Variants in OR8G1 observed in about 807,000 individuals in gnomAD.
OR8G1 encodes the protein olfactory receptor 8G1.
For missense variants in OR8G1, 372 were observed against 356.2 expected (o/e 1.04, Z -0.36); for synonymous variants, 129 against 133.3 (o/e 0.97, Z 0.22).
At position 124,253,720 on chromosome 11, in the gene OR8G1, C is replaced by A. The variant is rs1455066957; in HGVS notation, c.*3109C>A. 2 of 152,122 alleles carry A rather than the reference C, an allele frequency of 1.3e-5. No individual in the cohort carries two copies. Among genetic ancestry groups the A allele is most frequent in the African/African-American group, 4.8e-5 (2 of 41,430 alleles). 9.4% of individuals were successfully genotyped at this position (152,122 alleles called of 1,614,324 possible). A position where few individuals can be genotyped will look rare whatever the true frequency, so the allele number is the denominator to read the frequency against. On this transcript the variant is annotated 3_prime_UTR_variant, in exon 3 of 3. Transcript: ENST00000641972. Reference sequence around the variant, plus strand: ...ATCCTTTGACCAACATCTCCTCCCACACGCCCAGCTGCAGATAAACACAAT... The same window carrying A: ...ATCCTTTGACCAACATCTCCTCCCAAACGCCCAGCTGCAGATAAACACAAT...
Position 124,252,755 on chromosome 11 carries a change from A to G in OR8G1, c.*2144A>G, listed in dbSNP as rs1437092388. ...AGAGTTAACTTGCATTGAAGGTGTT[A>G]CACTTCAAATTTCCAGCAAGTGCTT... On this transcript the variant is annotated 3_prime_UTR_variant, in exon 3 of 3. Transcript: ENST00000641972. The G allele has an allele frequency of 6.6e-6, 1 of 152,206 alleles. No homozygotes were observed. The highest frequency in any genetic ancestry group is 1.5e-5 in the Non-Finnish European group (1 of 68,024). The allele number at this position is 152,206 out of a possible 1,614,324, so 9.4% of individuals were successfully genotyped here.
At position 124,250,391 on chromosome 11, in the gene OR8G1, G is replaced by A; in HGVS notation, c.716G>A (p.Ser239Asn). 1 of 1,613,746 alleles carries A rather than the reference G, an allele frequency of 6.2e-7. No homozygotes were observed. The highest frequency in any genetic ancestry group is 8.5e-7 in the Non-Finnish European group (1 of 1,179,804). ...ACTGAGGGCAGGTCCAAAGCCTTCA[G>A]CACTTGTAGCTCCCACATGTTGGCG... ...RSTEGRSKAF[S>N]TCSSHMLAVV... is the part of the protein sequence containing the mutation. The change falls in exon 3 of 3, where the codon AGC (serine) becomes AAC (asparagine). Residue 239 changes from serine to asparagine, a missense_variant. Ser to Asn is a conservative substitution (Grantham distance 46, BLOSUM62 1). Coordinates refer to ENST00000641972, the MANE Select transcript of OR8G1 (RefSeq NM_001002905.2).
At chr11:124,244,398 A>C (rs772392643) in intron 1 of OR8G1, among the ~76,000 whole-genome samples, 7 of 151,944 alleles carry the variant, frequency 4.6e-5, no homozygotes, top group Non-Finnish European at 7.4e-5. Context: ...GAAATCCCTG[A>C]ATTGATAAAC....
At chr11:124,244,151 AGAGG>A (rs2137745592) in intron 1 of OR8G1, among the ~76,000 whole-genome samples, 1 of 151,426 alleles carries the variant, frequency 6.6e-6, no homozygotes, top group African/African-American at 2.4e-5. Context: ...AAGGATGGAG[AGAGG>A]GAGAGAGAGA....
intron 1 of OR8G1, among the ~76,000 whole-genome samples, chr11:124,243,871 C>A (rs1439980404): frequency 6.6e-6 from 1 of 151,928 alleles, no homozygotes; most frequent in African/African-American, 2.4e-5. Flanking sequence ...CACCATGGCA[C>A]ATGTATATCT....
At chr11:124,249,551 A>G (rs1861843301) in intron 2 of OR8G1, 109 bp from the exon 3 acceptor site, 1 of 1,035,022 alleles carries the variant, frequency 9.7e-7, no homozygotes, top group African/African-American at 1.6e-5. Flanking sequence ...TACTTACTCA[A>G]AGGGGATACC....
Position 124,250,714 on chromosome 11 carries a change from A to G in OR8G1, c.*103A>G. 7.4e-6 allele frequency: 3 copies of G among 404,758 alleles called. 1 individual carries two copies. Among genetic ancestry groups the G allele is most frequent in the Non-Finnish European group, 1.2e-5 (3 of 245,504 alleles). The allele number at this position is 404,758 out of a possible 1,614,324, so 25.1% of individuals were successfully genotyped here. On this transcript the variant is annotated 3_prime_UTR_variant, in exon 3 of 3. Transcript: ENST00000641972. Reference sequence around the variant, plus strand: ...AATGCATCTGTCAATAATTTTTACCATTTGGTGAGATTATATTACCATTAT... The same window carrying G: ...AATGCATCTGTCAATAATTTTTACCGTTTGGTGAGATTATATTACCATTAT...
chr11:124,250,574 C>A lies in OR8G1; in HGVS notation c.899C>A (p.Ser300Tyr). 2.2e-6 allele frequency: 1 copy of A among 445,510 alleles called. No individual in the cohort carries two copies. The highest frequency in any genetic ancestry group is 2.9e-6 in the Non-Finnish European group (1 of 340,838). The allele number at this position is 445,510 out of a possible 1,614,324, so 27.6% of individuals were successfully genotyped here. ...YSLRNKDVHV[S>Y]LKKMLQRRTL... The stretch of plus-strand genomic sequence containing the variant: ...CTGAGGAATAAAGATGTCCATGTTT[C>A]CCTGAAGAAAATGCTACAGAGAAGA... The change falls in exon 3 of 3, where the codon TCC becomes TAC. Residue 300 changes from serine to tyrosine, a missense_variant. Coordinates refer to ENST00000641972, the MANE Select transcript of OR8G1 (RefSeq NM_001002905.2).
intron 1 of OR8G1, among the ~76,000 whole-genome samples, chr11:124,242,893 A>G (rs1157365502): frequency 3.3e-5 from 5 of 151,978 alleles, no homozygotes; most frequent in African/African-American, 9.7e-5. Context: ...GCTGGTTGTC[A>G]TAATATTTTA....
Position 124,251,510 on chromosome 11 carries a change from G to A in OR8G1, c.*899G>A. 1 of 503,580 alleles carries A rather than the reference G, an allele frequency of 2.0e-6. No homozygotes were observed. 31.2% of individuals were successfully genotyped at this position (503,580 alleles called of 1,614,324 possible). On this transcript the variant is annotated 3_prime_UTR_variant, in exon 3 of 3. Transcript: ENST00000641972. ...CTGGTAACATTCTGACCTATTCTAT[G>A]CTAAGATGTATGTGTATTTGTTCTG...
intron 1 of OR8G1, among the ~76,000 whole-genome samples, chr11:124,242,056 A>T (rs11604329): frequency 2.2e-5 from 3 of 138,244 alleles, no homozygotes; most frequent in South Asian, 2.5e-4. Flanking sequence ...ATTTATTTTT[A>T]TTTTTTTTCA....
At chr11:124,246,879 AAG>A (rs1457197613) in intron 1 of OR8G1, among the ~76,000 whole-genome samples, 1,376 of 22,572 alleles carry the variant, frequency 0.061, 26 homozygotes, top group African/African-American at 0.28. Flanking sequence ...AAAAAAAAAA[AAG>A]GCCCCACATC....
Position 124,252,956 on chromosome 11 carries a change from C to G in OR8G1, c.*2345C>G, listed in dbSNP as rs368119395. 5 of 152,298 alleles carry G rather than the reference C, an allele frequency of 3.3e-5. No homozygotes were observed. The East Asian group carries it at 7.7e-4, about 24-fold the overall frequency. 9.4% of individuals were successfully genotyped at this position (152,298 alleles called of 1,614,324 possible). ...GCCATCTTGGGAAACATCATATGCA[C>G]TTCTGAGGAAGTGCTGGTAAAATTG... On this transcript the variant is annotated 3_prime_UTR_variant, in exon 3 of 3. Coordinates refer to ENST00000641972, the MANE Select transcript of OR8G1 (RefSeq NM_001002905.2).
At chr11:124,248,058 A>G (rs1490722945) in intron 2 of OR8G1, among the ~76,000 whole-genome samples, 178 bp downstream of exon 2, 1 of 151,890 alleles carries the variant, frequency 6.6e-6, no homozygotes, top group East Asian at 1.9e-4. Context: ...ACCCATTCCA[A>G]TACAGGTGTG....
At position 124,250,539 on chromosome 11, in the gene OR8G1, G is replaced by GAGCTACAT; in HGVS notation, c.865_866insGCTACATA (p.Ile289SerfsTer7). The GAGCTACAT allele has an allele frequency of 1.2e-5, 14 of 1,167,594 alleles. 5 individuals carry two copies. In the South Asian group the frequency reaches 1.3e-4, roughly 11 times the overall value. 72.3% of individuals were successfully genotyped at this position (1,167,594 alleles called of 1,614,324 possible). Reference sequence around the variant, plus strand: ...TTATTGTGCCCATGTTGAACCCTCTGATTTATAGCCTGAGGAATAAAGATG... The same window carrying GAGCTACAT: ...TTATTGTGCCCATGTTGAACCCTCTGAGCTACATATTTATAGCCTGAGGAATAAAGATG... On this transcript the variant is annotated frameshift_variant, in exon 3 of 3. Transcript: ENST00000641972. LOFTEE classifies it low-confidence loss of function (END_TRUNC).
intron 2 of OR8G1, among the ~76,000 whole-genome samples, chr11:124,248,719 A>G (rs536522290): frequency 6.6e-6 from 1 of 151,980 alleles, no homozygotes; most frequent in Non-Finnish European, 1.5e-5. Flanking sequence ...CTTCTTCCTA[A>G]TTCACAAAAG....
In OR8G1 at chr11:124,252,210, C is replaced by T. The variant is rs1861872697; in HGVS notation, c.*1599C>T. On this transcript the variant is annotated 3_prime_UTR_variant, in exon 3 of 3. Coordinates refer to ENST00000641972, the MANE Select transcript of OR8G1 (RefSeq NM_001002905.2). ...TTGCCTGAGAAAATTCTCAATCAAT[C>T]ATGGACTCTATTAACCTGAGTCTGG... The T allele has an allele frequency of 6.6e-6, 1 of 152,058 alleles. No individual in the cohort carries two copies. The highest frequency in any genetic ancestry group is 2.4e-5 in the African/African-American group (1 of 41,412). 9.4% of individuals were successfully genotyped at this position (152,058 alleles called of 1,614,324 possible). A position where few individuals can be genotyped will look rare whatever the true frequency, so the allele number is the denominator to read the frequency against.
chr11:124,249,738 A>T lies in OR8G1; in HGVS notation c.63A>T (p.Pro21=). ...EFILAGLSEQ[P]ELQLPLFLLF... is the part of the protein sequence containing the mutation. The stretch of plus-strand genomic sequence containing the variant: ...TTCTGGCTGGGCTCTCAGAACAGCC[A>T]GAGCTCCAGCTGCCCCTCTTCCTCC... The change falls in exon 3 of 3, where the codon CCA becomes CCT. Residue 21 remains proline (P), a synonymous_variant. Coordinates refer to ENST00000641972, the MANE Select transcript of OR8G1 (RefSeq NM_001002905.2). 6 of 1,613,694 alleles carry T rather than the reference A, an allele frequency of 3.7e-6. No homozygotes were observed. The highest frequency in any genetic ancestry group is 5.1e-6 in the Non-Finnish European group (6 of 1,179,750).
rs889188540 is a variant in OR8G1 at position 124,252,854 on chromosome 11, T to A, written c.*2243T>A. On this transcript the variant is annotated 3_prime_UTR_variant, in exon 3 of 3. Transcript: ENST00000641972. ...CTTATGTACAGTCAGCTCAAAGAAT[T>A]CTTGCTCTTGGGGTCACCTTTACCC... 8 of 152,156 alleles carry A rather than the reference T, an allele frequency of 5.3e-5. No individual in the cohort carries two copies. Among genetic ancestry groups the A allele is most frequent in the African/African-American group, 1.9e-4 (8 of 41,444 alleles). 9.4% of individuals were successfully genotyped at this position (152,156 alleles called of 1,614,324 possible).
Sources: gnomAD v4.1 joint callset for allele counts (sites outside exome capture counted in the v4.1 genomes callset) on GRCh38, gnomAD v4.1.1 for gene constraint, MANE v1.5 for transcripts, NCBI Gene and HGNC (gene_info 2026-07-23, HGNC 2026-07-21) for gene names.